The following PRKN variants were observed in gnomAD, a reference collection of about 807,000 sequenced individuals.
The protein encoded by PRKN is E3 ubiquitin-protein ligase parkin.
Under a neutral mutation model 59.5 loss-of-function variants are expected in PRKN, and 56 were observed. That is an observed-to-expected ratio of 0.94 (90% confidence interval 0.76 to 1.18). The LOEUF (loss-of-function observed/expected upper bound fraction) is 1.18, where lower values mean the gene tolerates loss of function less well. Ranked by LOEUF, PRKN falls within the 50% of genes most tolerant of loss-of-function variation. The pLI is 0.00. For missense variants in PRKN, 657 were observed against 596.4 expected (o/e 1.10, Z -1.06); for synonymous variants, 250 against 222.1 (o/e 1.13, Z -1.12).
chr6:162,295,312 C>A (rs992903822), intron 2 of PRKN, among the ~76,000 whole-genome samples: 2 of 152,132 alleles, frequency 1.3e-5, no homozygotes, highest in Non-Finnish European at 2.9e-5. Flanking sequence ...GTTATGTGTG[C>A]ACCATTTATA....
At chr6:161,580,880 T>G (rs1054194902) in intron 7 of PRKN, among the ~76,000 whole-genome samples, 1 of 151,978 alleles carries the variant, frequency 6.6e-6, no homozygotes, top group Non-Finnish European at 1.5e-5. Context: ...AGGAAAAACT[T>G]TCATCTATCT....
intron 2 of PRKN, among the ~76,000 whole-genome samples, chr6:162,437,451 C>T (rs929216258): frequency 5.3e-5 from 8 of 152,152 alleles, no homozygotes; most frequent in South Asian, 2.1e-4. Flanking sequence ...CCCCAGCTTC[C>T]GCCAGTGGTA....
intron 9 of PRKN, among the ~76,000 whole-genome samples, chr6:161,441,082 T>TG (rs1562451665): frequency 6.6e-6 from 1 of 152,116 alleles, no homozygotes; most frequent in African/African-American, 2.4e-5. Flanking sequence ...TCAGGGGTTC[T>TG]GGGGGGTTAG....
At chr6:162,671,570 C>T (rs1194753412) in intron 1 of PRKN, among the ~76,000 whole-genome samples, 1 of 150,450 alleles carries the variant, frequency 6.6e-6, no homozygotes, top group Admixed American at 6.6e-5. Context: ...CTACAAATTA[C>T]TCCTTAAGAG....
intron 1 of PRKN, among the ~76,000 whole-genome samples, chr6:162,483,401 C>A (rs1057240468): frequency 1.3e-5 from 2 of 151,914 alleles, no homozygotes; most frequent in East Asian, 3.9e-4. Flanking sequence ...GTTAATTTAA[C>A]TATATGCAAA....
intron 2 of PRKN, among the ~76,000 whole-genome samples, chr6:162,387,650 C>T (rs533371328): frequency 6.7e-6 from 1 of 149,572 alleles, no homozygotes; most frequent in South Asian, 2.1e-4. Flanking sequence ...GGTTCTTAGC[C>T]AAGGTGTGTA....
At chr6:162,458,115 G>A (rs544884633) in intron 1 of PRKN, among the ~76,000 whole-genome samples, 2 of 150,962 alleles carry the variant, frequency 1.3e-5, no homozygotes, top group South Asian at 2.1e-4. Flanking sequence ...TTAGCCAGGC[G>A]TGGTGGCACA....
intron 6 of PRKN, among the ~76,000 whole-genome samples, chr6:161,919,197 C>T (rs1265221682): frequency 2.0e-5 from 3 of 152,076 alleles, no homozygotes; most frequent in Admixed American, 1.3e-4. Flanking sequence ...AAGAGTTTCA[C>T]GTACAATAAC....
rs538800888 is a variant in PRKN at position 162,283,174 on chromosome 6, TAC to T, written c.172-20411_172-20410del. Among the ~76,000 whole-genome samples the T allele has an allele frequency of 1.8e-3, 278 of 152,318 alleles. 1 individual carries two copies. Among genetic ancestry groups the T allele is most frequent in the Middle Eastern group, 3.4e-3 (1 of 294 alleles). Reference sequence around the variant, plus strand: ...ACCCTTTCTGGCTACAAGCTCATTTTACACACAGTTATTTATATGAACAGTTG... The same window carrying T: ...ACCCTTTCTGGCTACAAGCTCATTTTACACAGTTATTTATATGAACAGTTG... On this transcript the variant is annotated intron_variant, in intron 2 of 11. Transcript: ENST00000366898.
intron 2 of PRKN, among the ~76,000 whole-genome samples, chr6:162,389,792 C>A (rs1787066517): frequency 6.6e-6 from 1 of 152,222 alleles, no homozygotes; most frequent in South Asian, 2.1e-4. Context: ...GAGTCCAAAG[C>A]TTTCCCCACT....
chr6:162,147,344 GAAAAAAA>G (rs767653516), intron 4 of PRKN, among the ~76,000 whole-genome samples: 25 of 42,062 alleles, frequency 5.9e-4, no homozygotes, highest in African/African-American at 1.1e-3. Flanking sequence ...CTCTGTCTCA[GAAAAAAA>G]AAAAAAAAAA....
intron 1 of PRKN, among the ~76,000 whole-genome samples, chr6:162,556,228 G>C (rs1178941718): frequency 6.6e-6 from 1 of 152,036 alleles, no homozygotes; most frequent in Non-Finnish European, 1.5e-5. Flanking sequence ...TGCACAAGAA[G>C]TTATTTACCA....
intron 4 of PRKN, among the ~76,000 whole-genome samples, chr6:162,090,104 A>G (rs1261002966): frequency 6.6e-6 from 1 of 152,156 alleles, no homozygotes; most frequent in Admixed American, 6.6e-5. Context: ...TAGATTCCAT[A>G]AGCCAGCCTA....
At chr6:161,723,085 A>G (rs1787292771) in intron 7 of PRKN, among the ~76,000 whole-genome samples, 1 of 152,218 alleles carries the variant, frequency 6.6e-6, no homozygotes, top group Admixed American at 6.5e-5. Flanking sequence ...CTTGACCTAC[A>G]TAGTGAAACC....
intron 1 of PRKN, among the ~76,000 whole-genome samples, chr6:162,650,038 G>A (rs995940050): frequency 2.6e-5 from 4 of 152,296 alleles, no homozygotes; most frequent in Middle Eastern, 3.4e-3. Flanking sequence ...ACGGACATAC[G>A]TGACTCTCAA....
In PRKN at chr6:161,530,056, C is replaced by T. The variant is rs1353468005; in HGVS notation, c.1083+18798G>A. ...TTAAAAAAAAAACCCTCATTCATTT[C>T]ACACCACTCTGATGTTTTAGCCAAC... On this transcript the variant is annotated intron_variant, in intron 9 of 11. Coordinates refer to ENST00000366898, the MANE Select transcript of PRKN (RefSeq NM_004562.3). This position sits in a 1 kb window ranked among gnomAD's most constrained non-coding sequence, Gnocchi z 5.0. Among the ~76,000 whole-genome samples, 3 of 152,120 alleles carry T rather than the reference C, an allele frequency of 2.0e-5. No homozygotes were observed. The highest frequency in any genetic ancestry group is 4.4e-5 in the Non-Finnish European group (3 of 68,040).
At chr6:161,876,311 T>C (rs1460319275) in intron 6 of PRKN, among the ~76,000 whole-genome samples, 1 of 152,134 alleles carries the variant, frequency 6.6e-6, no homozygotes, top group African/African-American at 2.4e-5. Context: ...TTTTTACTCA[T>C]CGTTACTTTT....
At position 161,448,744 on chromosome 6, in the gene PRKN, T is replaced by C. The variant is rs1283873774; in HGVS notation, c.1084-61867A>G. ...GCTGGAAAGGCACTCCCTGCAGATC[T>C]GGGAAGCCATGAGCCACAGGAGCAT... On this transcript the variant is annotated intron_variant, in intron 9 of 11. Coordinates refer to ENST00000366898, the MANE Select transcript of PRKN (RefSeq NM_004562.3). This position sits in a 1 kb window ranked among gnomAD's most constrained non-coding sequence, Gnocchi z 5.1. Among the ~76,000 whole-genome samples, 9 of 152,240 alleles carry C rather than the reference T, an allele frequency of 5.9e-5. No individual in the cohort carries two copies. The highest frequency in any genetic ancestry group is 2.2e-4 in the African/African-American group (9 of 41,472).
intron 9 of PRKN, among the ~76,000 whole-genome samples, chr6:161,435,033 A>T (rs115956068): frequency 0.013 from 1,945 of 152,242 alleles, 41 homozygotes; most frequent in African/African-American, 0.044. Flanking sequence ...GCTCATGACA[A>T]AGAAATGTAA....
Sources: gnomAD v4.1 joint callset for allele counts (sites outside exome capture counted in the v4.1 genomes callset) on GRCh38, gnomAD v4.1.1 for gene constraint, Gnocchi (gnomAD v3.1) non-coding constraint, MANE v1.5 for transcripts, NCBI Gene and HGNC (gene_info 2026-07-23, HGNC 2026-07-21) for gene names.